MEMO1: variants seen among roughly 807,000 people sequenced by gnomAD.
MEMO1 encodes the protein mediator of cell motility 1, also known as protein MEMO1.
A neutral mutation model predicts 45.2 loss-of-function variants in MEMO1; 6 were observed. The observed-to-expected ratio is 0.13, with a 90% CI of 0.07 to 0.26. The LOEUF is 0.26. MEMO1 is among the 10% of genes least tolerant of loss of function. MEMO1 has a pLI of 1.00. For missense variants in MEMO1, 184 were observed against 370.5 expected, an observed-to-expected ratio of 0.50 and a Z score of 4.13; for synonymous variants, 78 against 124.3, an observed-to-expected ratio of 0.63 and a Z score of 2.48.
chr2:31,986,989 G>A (rs1254391647), intron 2 of MEMO1, among the ~76,000 whole-genome samples: 1 of 152,112 alleles, frequency 6.6e-6, no homozygotes, highest in African/African-American at 2.4e-5. Context: ...CAATTAGGGA[G>A]AAAACAATGG....
At chr2:31,943,485 G>C in intron 2 of MEMO1, 102 bp from the exon 3 acceptor site, 1 of 807,072 alleles carries the variant, frequency 1.2e-6, no homozygotes, top group Non-Finnish European at 2.2e-6. Flanking sequence ...GACTAAACTA[G>C]CTTAATGCGC....
intron 8 of MEMO1, among the ~76,000 whole-genome samples, chr2:31,875,075 T>C (rs1572534746): frequency 6.6e-6 from 1 of 152,106 alleles, no homozygotes; most frequent in East Asian, 1.9e-4. Context: ...TTATGAGCCA[T>C]TTAAAAATTC....
At chr2:31,956,134 CTT>C (rs1428927899) in intron 2 of MEMO1, among the ~76,000 whole-genome samples, 13 of 152,258 alleles carry the variant, frequency 8.5e-5, no homozygotes, top group African/African-American at 2.9e-4. Flanking sequence ...TGATTATTTC[CTT>C]CCAAATTCAG....
intron 8 of MEMO1, among the ~76,000 whole-genome samples, chr2:31,882,143 C>CTAAA (rs547005443): frequency 2.6e-3 from 400 of 151,454 alleles, no homozygotes; most frequent in African/African-American, 8.2e-3. Flanking sequence ...GACCTTCTCT[C>CTAAA]TAAATAAATA....
intron 2 of MEMO1, among the ~76,000 whole-genome samples, chr2:31,944,141 T>C (rs1665935384): frequency 6.6e-6 from 1 of 152,170 alleles, no homozygotes; most frequent in African/African-American, 2.4e-5. Context: ...CTCAGTACTT[T>C]TACCTGAATA....
chr2:31,906,246 C>T (rs951864656), intron 6 of MEMO1, among the ~76,000 whole-genome samples: 15 of 151,182 alleles, frequency 9.9e-5, no homozygotes, highest in South Asian at 2.1e-4. Context: ...CTGGGATTAC[C>T]GGCGTGAGCC....
chr2:31,905,300 TA>T (rs1023065845), intron 6 of MEMO1, among the ~76,000 whole-genome samples: 29 of 152,084 alleles, frequency 1.9e-4, no homozygotes, highest in African/African-American at 6.5e-4. Context: ...AAGTAGAGGA[TA>T]GGGGAAGAAG....
chr2:31,991,566 C>T (rs1185618434), intron 2 of MEMO1, among the ~76,000 whole-genome samples: 1 of 51,404 alleles, frequency 1.9e-5, no homozygotes, highest in Non-Finnish European at 4.2e-5. Flanking sequence ...AGCAAAACTC[C>T]GACTCAAAAA....
At chr2:31,933,426 G>A (rs1391387370) in intron 3 of MEMO1, among the ~76,000 whole-genome samples, 2 of 127,982 alleles carry the variant, frequency 1.6e-5, no homozygotes, top group African/African-American at 6.0e-5. Flanking sequence ...GTACAGAAAG[G>A]AAGAATTATA....
At chr2:31,989,836 G>T (rs1572907901) in intron 2 of MEMO1, among the ~76,000 whole-genome samples, 1 of 152,162 alleles carries the variant, frequency 6.6e-6, no homozygotes, top group East Asian at 1.9e-4. Flanking sequence ...AATAATTTTG[G>T]CCGGGTGTGG....
chr2:31,944,546 T>A (rs1428098247), intron 2 of MEMO1, among the ~76,000 whole-genome samples: 1 of 152,246 alleles, frequency 6.6e-6, no homozygotes, highest in Non-Finnish European at 1.5e-5. Flanking sequence ...CTTTCCCTCG[T>A]ATTTCAACAA....
intron 2 of MEMO1, among the ~76,000 whole-genome samples, chr2:31,975,093 A>C (rs1278049969): frequency 6.6e-6 from 1 of 151,546 alleles, no homozygotes; most frequent in Non-Finnish European, 1.5e-5. Flanking sequence ...AATCGCTTGA[A>C]ACTGGGAGGC....
Position 31,958,940 on chromosome 2 carries a change from G to A in MEMO1, c.62-15557C>T, listed in dbSNP as rs1224588225. On this transcript the variant is annotated intron_variant, in intron 2 of 9. Coordinates refer to ENST00000404530, the MANE Select transcript of MEMO1 (RefSeq NM_001301833.4). Reference sequence around the variant, plus strand: ...TGCTGGGATTACAGGCATGAGCCACGTGCCCAGCCCAAACTGTGTTAAACA... The same window carrying A: ...TGCTGGGATTACAGGCATGAGCCACATGCCCAGCCCAAACTGTGTTAAACA... Among the ~76,000 whole-genome samples, 5 of 152,112 alleles carry A rather than the reference G, an allele frequency of 3.3e-5. 1 individual carries two copies. The highest frequency in any genetic ancestry group is 4.1e-4 in the South Asian group (2 of 4,826).
chr2:31,978,966 C>A (rs771812950), intron 2 of MEMO1, among the ~76,000 whole-genome samples: 8 of 151,872 alleles, frequency 5.3e-5, no homozygotes, highest in Middle Eastern at 3.4e-3. Flanking sequence ...TCCATCCCCC[C>A]CCAAAAAAAA....
chr2:31,954,607 C>T (rs897418506), intron 2 of MEMO1, among the ~76,000 whole-genome samples: 16 of 151,894 alleles, frequency 1.1e-4, no homozygotes, highest in Admixed American at 7.2e-4. Flanking sequence ...CCGAGGCAGG[C>T]GGATCATCTG....
At chr2:31,937,680 C>T (rs918261070) in intron 3 of MEMO1, among the ~76,000 whole-genome samples, 10 of 152,178 alleles carry the variant, frequency 6.6e-5, no homozygotes, top group Admixed American at 2.0e-4. Flanking sequence ...AGTATCCTTT[C>T]TCCCATACTA....
intron 3 of MEMO1, among the ~76,000 whole-genome samples, chr2:31,942,896 C>A (rs1665775302): frequency 6.6e-6 from 1 of 152,220 alleles, no homozygotes; most frequent in African/African-American, 2.4e-5. Context: ...AATACAATTT[C>A]TTCAGCTCAG....
chr2:31,890,623 G>C (rs895222435), intron 7 of MEMO1, among the ~76,000 whole-genome samples: 4 of 152,032 alleles, frequency 2.6e-5, no homozygotes, highest in Non-Finnish European at 5.9e-5. Flanking sequence ...AAAAGAAGAA[G>C]AACCCTGAGA....
At chr2:32,002,160 A>AT (rs1280770483) in intron 2 of MEMO1, among the ~76,000 whole-genome samples, 10 of 127,452 alleles carry the variant, frequency 7.8e-5, no homozygotes, top group South Asian at 4.8e-4. Flanking sequence ...AAAAAAAAAA[A>AT]AAAAAAAAAT....
Sources: gnomAD v4.1 joint callset for allele counts (sites outside exome capture counted in the v4.1 genomes callset) on GRCh38, gnomAD v4.1.1 for gene constraint, MANE v1.5 for transcripts, NCBI Gene and HGNC (gene_info 2026-07-23, HGNC 2026-07-21) for gene names.